The following ENOX1 variants were observed in gnomAD, a reference collection of about 807,000 sequenced individuals.
ENOX1 encodes ecto-NOX disulfide-thiol exchanger 1, also known as candidate growth-related and time keeping constitutive hydroquinone (NADH) oxidase.
Under a neutral mutation model 82.5 loss-of-function variants are expected in ENOX1, and 42 were observed. The observed-to-expected ratio is 0.51, with a 90% CI of 0.40 to 0.66. The LOEUF (loss-of-function observed/expected upper bound fraction) is 0.66, where lower values mean the gene tolerates loss of function less well. Ranked by LOEUF, ENOX1 falls within the 30% of genes least tolerant of loss-of-function variation. The pLI, the probability that ENOX1 is intolerant of heterozygous loss-of-function variation, is 0.00. For missense variants in ENOX1, 608 were observed against 811.6 expected (o/e 0.75, Z 3.05); for synonymous variants, 271 against 282.2 (o/e 0.96, Z 0.40).
chr13:43,544,169 C>G (rs920644271), intron 2 of ENOX1: 1 of 152,042 alleles, frequency 6.6e-6, no homozygotes, highest in Admixed American at 6.6e-5. Context: ...CATGAGCCAT[C>G]GCGCCCAGCC....
At position 43,236,812 on chromosome 13, in the gene ENOX1, C is replaced by T. The variant is rs571781976; in HGVS notation, c.1612-74G>A. On this transcript the variant is annotated intron_variant, in intron 14 of 16. Transcript: ENST00000690772. Reference sequence around the variant, plus strand: ...TGCATGTCAATAAAAAACACCAGATCTCTTAAACTCTATAAATAAGGTCAT... The same window carrying T: ...TGCATGTCAATAAAAAACACCAGATTTCTTAAACTCTATAAATAAGGTCAT... 1.1e-4 allele frequency: 75 copies of T among 700,208 alleles called. No homozygotes were observed. The African/African-American group carries it at 1.4e-3, about 13-fold the overall frequency. 43.4% of individuals were successfully genotyped at this position (700,208 alleles called of 1,614,324 possible). A position where few individuals can be genotyped will look rare whatever the true frequency, so the allele number is the denominator to read the frequency against.
chr13:43,292,933 A>G (rs1217296232), intron 12 of ENOX1, among the ~76,000 whole-genome samples: 1 of 152,014 alleles, frequency 6.6e-6, no homozygotes, highest in Non-Finnish European at 1.5e-5. Context: ...CACAGCCACT[A>G]GCCCCAACAT....
At chr13:43,294,195 A>G (rs2046166534) in intron 12 of ENOX1, among the ~76,000 whole-genome samples, 1 of 152,158 alleles carries the variant, frequency 6.6e-6, no homozygotes, top group African/African-American at 2.4e-5. Context: ...CTTATTTAGG[A>G]AGGAGCCCTT....
chr13:43,231,475 G>A (rs916424932), intron 15 of ENOX1, among the ~76,000 whole-genome samples: 3 of 152,220 alleles, frequency 2.0e-5, no homozygotes, highest in African/African-American at 4.8e-5. Flanking sequence ...TACTTGGTGA[G>A]TACAAAACCT....
chr13:43,412,180 A>T, intron 4 of ENOX1, 127 bp from the exon 5 acceptor site: 1 of 1,070,206 alleles, frequency 9.3e-7, no homozygotes, highest in South Asian at 1.7e-5. Flanking sequence ...AAAATAAAGA[A>T]CTATAATCTG....
chr13:43,326,710 T>G (rs779549750), intron 9 of ENOX1, among the ~76,000 whole-genome samples, 185 bp from the exon 10 acceptor site: 7 of 152,336 alleles, frequency 4.6e-5, no homozygotes, highest in South Asian at 4.1e-4. Flanking sequence ...CCTTCAAGTC[T>G]GTCTCCACAA....
At chr13:43,714,582 A>T (rs1483026358) in intron 1 of ENOX1, among the ~76,000 whole-genome samples, 1 of 152,182 alleles carries the variant, frequency 6.6e-6, no homozygotes, top group Non-Finnish European at 1.5e-5. Context: ...GACTTGCTTC[A>T]TGAATCTGGG....
intron 1 of ENOX1, among the ~76,000 whole-genome samples, chr13:43,762,774 A>T (rs1307880778): frequency 1.3e-5 from 2 of 152,232 alleles, no homozygotes; most frequent in African/African-American, 4.8e-5. Context: ...CTAAAGTCAG[A>T]ATATACTTTT....
At chr13:43,608,678 T>C (rs1188513327) in intron 2 of ENOX1, among the ~76,000 whole-genome samples, 1 of 152,130 alleles carries the variant, frequency 6.6e-6, no homozygotes, top group Non-Finnish European at 1.5e-5. Flanking sequence ...ATAACAGATA[T>C]AAATACCCTG....
chr13:43,450,497 C>A (rs1172840528), intron 3 of ENOX1, among the ~76,000 whole-genome samples: 1 of 151,904 alleles, frequency 6.6e-6, no homozygotes, highest in African/African-American at 2.4e-5. Context: ...TGGGGAGGCA[C>A]CAGGGTCAGT....
intron 5 of ENOX1, 87 bp downstream of exon 5, chr13:43,411,829 C>T (rs1238518723): frequency 2.6e-6 from 4 of 1,537,884 alleles, no homozygotes; most frequent in Non-Finnish European, 3.6e-6. Flanking sequence ...GTGTCCAACA[C>T]TCGCGGTACA....
intron 9 of ENOX1, among the ~76,000 whole-genome samples, chr13:43,340,521 T>C (rs1483376575): frequency 6.6e-6 from 1 of 152,212 alleles, no homozygotes; most frequent in African/African-American, 2.4e-5. Flanking sequence ...AGATGGTAAA[T>C]ACAGAGGTTG....
At chr13:43,463,583 G>A (rs2153639515) in intron 3 of ENOX1, among the ~76,000 whole-genome samples, 1 of 152,240 alleles carries the variant, frequency 6.6e-6, no homozygotes, top group South Asian at 2.1e-4. Context: ...AACACCAGCA[G>A]ACTGAAAAAG....
At chr13:43,604,621 A>G (rs1374320211) in intron 2 of ENOX1, among the ~76,000 whole-genome samples, 1 of 152,200 alleles carries the variant, frequency 6.6e-6, no homozygotes, top group Non-Finnish European at 1.5e-5. Context: ...GATGTGTCAC[A>G]TTGATTCATT....
intron 3 of ENOX1, among the ~76,000 whole-genome samples, chr13:43,450,518 G>C (rs1045615531): frequency 3.3e-5 from 5 of 152,134 alleles, no homozygotes; most frequent in African/African-American, 1.2e-4. Context: ...AGGAGGCAGA[G>C]GAAATACGGG....
intron 14 of ENOX1, among the ~76,000 whole-genome samples, chr13:43,261,876 T>C (rs2044085506): frequency 1.4e-5 from 2 of 144,116 alleles, no homozygotes; most frequent in East Asian, 4.2e-4. Flanking sequence ...CATTGGGAGA[T>C]ATACCTAAGG....
intron 3 of ENOX1, among the ~76,000 whole-genome samples, chr13:43,460,003 A>G (rs1040060876): frequency 7.2e-5 from 11 of 152,194 alleles, no homozygotes; most frequent in Admixed American, 6.5e-4. Flanking sequence ...CAAAAAACAA[A>G]CAACGACAAC....
At chr13:43,381,212 A>G (rs2052018147) in intron 5 of ENOX1, among the ~76,000 whole-genome samples, 1 of 151,814 alleles carries the variant, frequency 6.6e-6, no homozygotes, top group Non-Finnish European at 1.5e-5. Flanking sequence ...GTGTATTCTG[A>G]GACCACAATA....
chr13:43,762,306 T>C lies in ENOX1; in HGVS notation c.-285+24346A>G, dbSNP rs772316462. 1.3e-3 allele frequency among the ~76,000 whole-genome samples: 192 copies of C among 152,300 alleles called. 1 individual carries two copies. The highest frequency in any genetic ancestry group is 2.8e-4 in the Non-Finnish European group (19 of 68,012). ...CCCTGTGCTGTCAACAGCCTACTAT[T>C]GAGAAGAGGGAAAGGTGTGCAAGTT... On this transcript the variant is annotated intron_variant, in intron 1 of 16. Transcript: ENST00000690772.
Sources: allele counts gnomAD v4.1 joint callset (sites outside exome capture counted in the v4.1 genomes callset), GRCh38; gene constraint gnomAD v4.1.1; transcripts MANE v1.5; gene names NCBI Gene and HGNC (gene_info 2026-07-23, HGNC 2026-07-21).